The following PIEZO2 variants were observed in gnomAD, a reference collection of about 807,000 sequenced individuals.
The protein encoded by PIEZO2 is piezo type mechanosensitive ion channel component 2, also known as piezo-type mechanosensitive ion channel component 2.
A neutral mutation model predicts 337.3 loss-of-function variants in PIEZO2; 172 were observed. The ratio of observed to expected loss-of-function variants is 0.51; its 90% CI spans 0.45 to 0.58. The LOEUF is 0.58. Among genes scored for constraint, PIEZO2 ranks in the 20% least tolerant of loss-of-function variants. The probability of loss-of-function intolerance (pLI) is 0.00; values close to 1 mark genes in which losing one functional copy is unlikely to be tolerated. For synonymous variants in PIEZO2, 1,251 were observed against 1,228.5 expected, an observed-to-expected ratio of 1.02 and a Z score of -0.38; for missense variants, 3,028 against 3,391.3, an observed-to-expected ratio of 0.89 and a Z score of 2.66.
Position 10,856,106 on chromosome 18 carries a change from C to T in PIEZO2, c.704-540G>A, listed in dbSNP as rs867984637. On this transcript the variant is annotated intron_variant, in intron 6 of 55. Transcript: ENST00000674853. The surrounding 1 kb of genome is among the most constrained non-coding windows in gnomAD (Gnocchi z 4.7). Reference sequence around the variant, plus strand: ...GTAGGGATGGGGTTTTGCCAAGTAGCGCAGGTTGGTCTTGAACTCCTGGGC... The same window carrying T: ...GTAGGGATGGGGTTTTGCCAAGTAGTGCAGGTTGGTCTTGAACTCCTGGGC... Among the ~76,000 whole-genome samples the T allele has an allele frequency of 2.6e-5, 4 of 151,728 alleles. No individual in the cohort carries two copies. The highest frequency in any genetic ancestry group is 2.1e-4 in the South Asian group (1 of 4,808).
At chr18:10,867,007 T>A (rs1038943206) in intron 5 of PIEZO2, among the ~76,000 whole-genome samples, 2 of 152,190 alleles carry the variant, frequency 1.3e-5, no homozygotes, top group South Asian at 4.1e-4. Context: ...GTCGCCCACT[T>A]TACCCACTAA....
In PIEZO2 at chr18:10,672,098, A is replaced by G. The variant is rs1244601747; in HGVS notation, c.8346-319T>C. Among the ~76,000 whole-genome samples, 1 of 152,234 alleles carries G rather than the reference A, an allele frequency of 6.6e-6. No individual in the cohort carries two copies. Among genetic ancestry groups the G allele is most frequent in the African/African-American group, 2.4e-5 (1 of 41,460 alleles). ...TGGTTTTGTTGCATATATTAAATGC[A>G]TAAACCATATAATGTATTTGGTAGA... is the stretch of plus-strand genomic sequence containing the variant. On this transcript the variant is annotated intron_variant, in intron 55 of 55. Coordinates refer to ENST00000674853, the MANE Select transcript of PIEZO2 (RefSeq NM_001378183.1). This position sits in a 1 kb window ranked among gnomAD's most constrained non-coding sequence, Gnocchi z 4.7.
chr18:10,704,261 G>C, intron 42 of PIEZO2, 133 bp downstream of exon 42: 1 of 1,192,812 alleles, frequency 8.4e-7, no homozygotes, highest in Non-Finnish European at 1.1e-6. Flanking sequence ...AATGTCTGTG[G>C]AACTGCATGT....
intron 7 of PIEZO2, among the ~76,000 whole-genome samples, chr18:10,852,388 C>A (rs764295622): frequency 3.3e-5 from 5 of 152,006 alleles, no homozygotes; most frequent in Non-Finnish European, 4.4e-5. Flanking sequence ...TTGTGTCCAG[C>A]ACCAACTTTT....
At chr18:10,740,863 C>T (rs779051662) in intron 33 of PIEZO2, 168 bp downstream of exon 33, 32 of 730,402 alleles carry the variant, frequency 4.4e-5, no homozygotes, top group East Asian at 1.3e-4. Context: ...AATTGGACCC[C>T]GGGCTCAAAG....
chr18:10,844,341 A>C (rs2041283824), intron 7 of PIEZO2, among the ~76,000 whole-genome samples: 1 of 151,784 alleles, frequency 6.6e-6, no homozygotes, highest in African/African-American at 2.4e-5. Flanking sequence ...AATCACTTGA[A>C]TCTCGGAGGC....
chr18:10,870,432 G>A lies in PIEZO2; in HGVS notation c.492+821C>T, dbSNP rs2042112175. Among the ~76,000 whole-genome samples, 1 of 151,214 alleles carries A rather than the reference G, an allele frequency of 6.6e-6. No homozygotes were observed. Among genetic ancestry groups the A allele is most frequent in the South Asian group, 2.1e-4 (1 of 4,802 alleles). On this transcript the variant is annotated intron_variant, in intron 5 of 55. Coordinates refer to ENST00000674853, the MANE Select transcript of PIEZO2 (RefSeq NM_001378183.1). This position sits in a 1 kb window ranked among gnomAD's most constrained non-coding sequence, Gnocchi z 5.3. ...AACATTTAGTACTTGCAAGCGTTTT[G>A]CATCAAATGTCCAAATAAAATAGTC...
chr18:11,017,247 G>C (rs1390636311), intron 2 of PIEZO2, among the ~76,000 whole-genome samples: 1 of 152,136 alleles, frequency 6.6e-6, no homozygotes, highest in Non-Finnish European at 1.5e-5. Context: ...TACATTACTG[G>C]AAGTGTTTTA....
chr18:10,940,039 T>A lies in PIEZO2; in HGVS notation c.287-28811A>T, dbSNP rs1310252441. The stretch of plus-strand genomic sequence containing the variant: ...CATATATATGACTATGTTAGTTCCT[T>A]ATTATCTATACTCTGGGGACAGTGA... On this transcript the variant is annotated intron_variant, in intron 3 of 55. Transcript: ENST00000674853. This position sits in a 1 kb window ranked among gnomAD's most constrained non-coding sequence, Gnocchi z 5.3. Among the ~76,000 whole-genome samples the A allele has an allele frequency of 6.6e-6, 1 of 152,176 alleles. No homozygotes were observed. The highest frequency in any genetic ancestry group is 2.4e-5 in the African/African-American group (1 of 41,448).
chr18:10,880,514 A>G (rs2144845376), intron 4 of PIEZO2, among the ~76,000 whole-genome samples: 1 of 152,258 alleles, frequency 6.6e-6, no homozygotes, highest in South Asian at 2.1e-4. Flanking sequence ...TGAGAGGACC[A>G]TCACAGTCAT....
rs567848892 is a variant in PIEZO2 at position 10,773,944 on chromosome 18, T to C, written c.2567+62A>G. The stretch of plus-strand genomic sequence containing the variant: ...AGGAGAAAATGGTCAGAGTTTAGGG[T>C]GTAGAAGCATGAAATGGCATCATGT... On this transcript the variant is annotated intron_variant, in intron 19 of 55. Transcript: ENST00000674853. This position sits in a 1 kb window ranked among gnomAD's most constrained non-coding sequence, Gnocchi z 5.3. 34 of 701,314 alleles carry C rather than the reference T, an allele frequency of 4.8e-5. No homozygotes were observed. The highest frequency in any genetic ancestry group is 8.6e-5 in the Non-Finnish European group (33 of 384,378). 43.4% of individuals were successfully genotyped at this position (701,314 alleles called of 1,614,324 possible).
chr18:10,876,489 A>AGG (rs2042272204), intron 4 of PIEZO2, among the ~76,000 whole-genome samples: 1 of 152,196 alleles, frequency 6.6e-6, no homozygotes, highest in Non-Finnish European at 1.5e-5. Flanking sequence ...AATGTACATA[A>AGG]TTATACACCT....
chr18:10,822,567 G>C (rs2040549261), intron 7 of PIEZO2, among the ~76,000 whole-genome samples: 1 of 152,198 alleles, frequency 6.6e-6, no homozygotes, highest in South Asian at 2.1e-4. Flanking sequence ...CCCAGCCCTG[G>C]AAAGCATGGA....
chr18:11,028,832 C>T lies in PIEZO2; in HGVS notation c.160+37295G>A, dbSNP rs1047855556. Among the ~76,000 whole-genome samples the T allele has an allele frequency of 6.6e-6, 1 of 152,040 alleles. No homozygotes were observed. Among genetic ancestry groups the T allele is most frequent in the Non-Finnish European group, 1.5e-5 (1 of 68,034 alleles). ...CTTGTGCTTGGTACTCTATATAATACCTATTGACTCACTTCTTCAGCAAAT... is the reference window on the plus strand; with the variant it reads ...CTTGTGCTTGGTACTCTATATAATATCTATTGACTCACTTCTTCAGCAAAT... On this transcript the variant is annotated intron_variant, in intron 2 of 55. Transcript: ENST00000674853. The surrounding 1 kb of genome is among the most constrained non-coding windows in gnomAD (Gnocchi z 4.8).
At chr18:10,902,749 G>A (rs1388167899) in intron 4 of PIEZO2, among the ~76,000 whole-genome samples, 1 of 152,152 alleles carries the variant, frequency 6.6e-6, no homozygotes, top group Non-Finnish European at 1.5e-5. Flanking sequence ...CATAGTTCAG[G>A]TTTTCCAAAG....
intron 2 of PIEZO2, among the ~76,000 whole-genome samples, chr18:11,036,431 C>G (rs1568317064): frequency 6.6e-6 from 1 of 152,134 alleles, no homozygotes; most frequent in Non-Finnish European, 1.5e-5. Flanking sequence ...GCAACCCCAC[C>G]TCCCCCGGTA....
chr18:11,109,537 G>A lies in PIEZO2; in HGVS notation c.64+38988C>T, dbSNP rs182340973. On this transcript the variant is annotated intron_variant, in intron 1 of 55. Coordinates refer to ENST00000674853, the MANE Select transcript of PIEZO2 (RefSeq NM_001378183.1). This position sits in a 1 kb window ranked among gnomAD's most constrained non-coding sequence, Gnocchi z 5.1. ...TTGAGACGACCCTGGCCAAGATGGCGAAACCCCGTCTCTACTGAAAATACA... is the reference window on the plus strand; with the variant it reads ...TTGAGACGACCCTGGCCAAGATGGCAAAACCCCGTCTCTACTGAAAATACA... 3.8e-3 allele frequency among the ~76,000 whole-genome samples: 535 copies of A among 141,278 alleles called. 2 individuals carry two copies. Among genetic ancestry groups the A allele is most frequent in the African/African-American group, 0.014 (503 of 37,072 alleles). The allele number at this position is 141,278 out of a possible 152,430, so 92.7% of individuals were successfully genotyped here.
chr18:10,825,550 C>CTTTTTTTTTTTTTTTTTTT (rs57159292), intron 7 of PIEZO2, among the ~76,000 whole-genome samples: 8 of 113,858 alleles, frequency 7.0e-5, no homozygotes, highest in African/African-American at 1.5e-4. Context: ...TCCTTTCTTC[C>CTTTTTTTTTTTTTTTTTTT]TTTTTTTTTT....
At chr18:10,729,446 G>A (rs1032542846) in intron 36 of PIEZO2, among the ~76,000 whole-genome samples, 1 of 152,006 alleles carries the variant, frequency 6.6e-6, no homozygotes, top group Non-Finnish European at 1.5e-5. Flanking sequence ...CCAACATGGT[G>A]AAACTCCGTC....
Sources: allele counts gnomAD v4.1 joint callset (sites outside exome capture counted in the v4.1 genomes callset), GRCh38; gene constraint gnomAD v4.1.1; non-coding constraint Gnocchi (gnomAD v3.1); transcripts MANE v1.5; gene names NCBI Gene and HGNC (gene_info 2026-07-23, HGNC 2026-07-21).